The following NDUFAF2 variants were observed in gnomAD, a reference collection of about 807,000 sequenced individuals.
NDUFAF2 encodes the protein NADH:ubiquinone oxidoreductase complex assembly factor 2.
Under a neutral mutation model 22.8 loss-of-function variants are expected in NDUFAF2, and 13 were observed. The observed-to-expected ratio is 0.57, with a 90% CI of 0.37 to 0.91. The LOEUF is 0.91. Among genes scored for constraint, NDUFAF2 ranks in the 40% least tolerant of loss-of-function variants. The probability of loss-of-function intolerance (pLI) is 0.01; values close to 1 mark genes in which losing one functional copy is unlikely to be tolerated. For missense variants in NDUFAF2, 162 were observed against 195.2 expected, an observed-to-expected ratio of 0.83 and a Z score of 1.01; for synonymous variants, 53 against 64.2, an observed-to-expected ratio of 0.83 and a Z score of 0.84.
intron 3 of NDUFAF2, among the ~76,000 whole-genome samples, chr5:61,123,164 T>C (rs1225358237): frequency 6.6e-6 from 1 of 152,164 alleles, no homozygotes; most frequent in Admixed American, 6.6e-5. Context: ...TATTCTCCAG[T>C]ATCTTGCTCC....
intron 1 of NDUFAF2, among the ~76,000 whole-genome samples, chr5:61,006,950 A>G (rs1028100442): frequency 6.6e-6 from 1 of 152,036 alleles, no homozygotes; most frequent in African/African-American, 2.4e-5. Flanking sequence ...GTCAATATTT[A>G]TCTCTTAAAG....
chr5:61,141,245 T>TTAA (rs946515309), intron 3 of NDUFAF2, among the ~76,000 whole-genome samples: 11 of 151,686 alleles, frequency 7.3e-5, no homozygotes, highest in South Asian at 2.1e-4. Context: ...AAAAAATTAA[T>TTAA]TAATAATAAT....
At chr5:60,983,750 A>G (rs1212141623) in intron 1 of NDUFAF2, among the ~76,000 whole-genome samples, 3 of 150,620 alleles carry the variant, frequency 2.0e-5, no homozygotes, top group African/African-American at 4.9e-5. Flanking sequence ...GTTCTGTTCC[A>G]TTGGTCTATA....
intron 1 of NDUFAF2, among the ~76,000 whole-genome samples, chr5:61,056,144 A>G (rs879818463): frequency 2.6e-4 from 39 of 152,348 alleles, no homozygotes; most frequent in Middle Eastern, 3.4e-3. Context: ...TACTAAGAAT[A>G]AAGAATTGTT....
intron 2 of NDUFAF2, among the ~76,000 whole-genome samples, chr5:61,095,935 G>A (rs534703075): frequency 1.3e-5 from 2 of 151,998 alleles, no homozygotes; most frequent in Non-Finnish European, 2.9e-5. Context: ...ATATTTACTC[G>A]CCCCTTTGGT....
intron 1 of NDUFAF2, among the ~76,000 whole-genome samples, chr5:60,972,420 C>CA (rs1750846011): frequency 6.6e-6 from 1 of 152,090 alleles, no homozygotes; most frequent in Non-Finnish European, 1.5e-5. Flanking sequence ...AGTGAGTTCT[C>CA]ATGAGATCTG....
At chr5:60,983,877 A>C (rs1296107818) in intron 1 of NDUFAF2, among the ~76,000 whole-genome samples, 2 of 152,114 alleles carry the variant, frequency 1.3e-5, no homozygotes, top group African/African-American at 4.8e-5. Context: ...TTGTCTTGGC[A>C]ATGTGGCTCT....
At chr5:61,066,133 A>C (rs1404429991) in intron 1 of NDUFAF2, among the ~76,000 whole-genome samples, 2 of 152,194 alleles carry the variant, frequency 1.3e-5, no homozygotes, top group East Asian at 3.9e-4. Context: ...TAAGATACTA[A>C]GGAATAAATT....
In NDUFAF2 at chr5:61,131,996, A is replaced by G. The variant is rs182322259; in HGVS notation, c.259-20708A>G. Among the ~76,000 whole-genome samples, 113 of 152,300 alleles carry G rather than the reference A, an allele frequency of 7.4e-4. No homozygotes were observed. In the Middle Eastern group the frequency reaches 0.01, roughly 14 times the overall value. On this transcript the variant is annotated intron_variant, in intron 3 of 3. Coordinates refer to ENST00000296597, the MANE Select transcript of NDUFAF2 (RefSeq NM_174889.5). The stretch of plus-strand genomic sequence containing the variant: ...AGAACATTCTGAAGGAGCTTTTAAA[A>G]GTTCTGCTTTTCCCCTTGGCAAATA...
intron 1 of NDUFAF2, among the ~76,000 whole-genome samples, chr5:61,054,998 G>T (rs1180950547): frequency 6.6e-6 from 1 of 152,146 alleles, no homozygotes; most frequent in African/African-American, 2.4e-5. Context: ...AGTAGGAATG[G>T]ACCTTATTGT....
chr5:61,135,699 A>T (rs1238014362), intron 3 of NDUFAF2, among the ~76,000 whole-genome samples: 1 of 152,024 alleles, frequency 6.6e-6, no homozygotes, highest in Non-Finnish European at 1.5e-5. Flanking sequence ...ACTGCTCTGG[A>T]TATAATTGCC....
At chr5:61,007,249 G>C (rs1320464890) in intron 1 of NDUFAF2, among the ~76,000 whole-genome samples, 1 of 151,666 alleles carries the variant, frequency 6.6e-6, no homozygotes, top group African/African-American at 2.4e-5. Context: ...TATGGTTTTA[G>C]GTCTAACGTT....
rs1751872347 is a variant in NDUFAF2 at position 61,040,837 on chromosome 5, G to A, written c.128-32288G>A. 2.0e-5 allele frequency among the ~76,000 whole-genome samples: 3 copies of A among 152,168 alleles called. No homozygotes were observed. The South Asian group carries it at 6.2e-4, about 32-fold the overall frequency. ...ATAATTGTAGATAATTACCAGGTTT[G>A]GGTTTCTATAGTTAGCAAAAGTAGG... is the stretch of plus-strand genomic sequence containing the variant. On this transcript the variant is annotated intron_variant, in intron 1 of 3. Coordinates refer to ENST00000296597, the MANE Select transcript of NDUFAF2 (RefSeq NM_174889.5).
In NDUFAF2 at chr5:61,040,282, A is replaced by ACG. The variant is rs1263125156; in HGVS notation, c.128-32842_128-32841insGC. Among the ~76,000 whole-genome samples the ACG allele has an allele frequency of 2.2e-3, 186 of 84,092 alleles. No homozygotes were observed. In the Middle Eastern group the frequency reaches 0.027, roughly 12 times the overall value. The allele number at this position is 84,092 out of a possible 152,430, so 55.2% of individuals were successfully genotyped here. ...CACACACACACACACACACACACAC[A>ACG]CACACGCGCGCGCGCGCGCGAAAGT... is the stretch of plus-strand genomic sequence containing the variant. On this transcript the variant is annotated intron_variant, in intron 1 of 3. Coordinates refer to ENST00000296597, the MANE Select transcript of NDUFAF2 (RefSeq NM_174889.5).
intron 1 of NDUFAF2, among the ~76,000 whole-genome samples, chr5:60,995,948 A>G (rs1164731090): frequency 6.6e-6 from 1 of 152,168 alleles, no homozygotes; most frequent in Non-Finnish European, 1.5e-5. Context: ...AGGAAGTACT[A>G]CAAGACTACC....
At chr5:61,037,883 A>G (rs940837514) in intron 1 of NDUFAF2, among the ~76,000 whole-genome samples, 7 of 151,904 alleles carry the variant, frequency 4.6e-5, no homozygotes, top group African/African-American at 1.7e-4. Context: ...GCACATGATC[A>G]TTTAAGAACA....
intron 1 of NDUFAF2, among the ~76,000 whole-genome samples, chr5:61,029,355 A>G (rs1424163355): frequency 6.6e-6 from 1 of 152,150 alleles, no homozygotes; most frequent in Non-Finnish European, 1.5e-5. Flanking sequence ...TACTCGTGCA[A>G]TTGATTTCTC....
intron 2 of NDUFAF2, among the ~76,000 whole-genome samples, chr5:61,076,221 C>T (rs555423095): frequency 6.6e-6 from 1 of 152,244 alleles, no homozygotes; most frequent in Admixed American, 6.5e-5. Context: ...CAGGTGCCCG[C>T]CACCACGCCC....
intron 3 of NDUFAF2, among the ~76,000 whole-genome samples, chr5:61,099,634 A>G (rs1285586350): frequency 6.6e-6 from 1 of 151,560 alleles, no homozygotes; most frequent in African/African-American, 2.4e-5. Flanking sequence ...TATAATTTTT[A>G]TATAGATTAT....
Sources: gnomAD v4.1 joint callset for allele counts (sites outside exome capture counted in the v4.1 genomes callset) on GRCh38, gnomAD v4.1.1 for gene constraint, MANE v1.5 for transcripts, NCBI Gene and HGNC (gene_info 2026-07-23, HGNC 2026-07-21) for gene names.